The following ELF1 variants were observed in gnomAD, a reference collection of about 807,000 sequenced individuals.
The protein encoded by ELF1 is E74 like ETS transcription factor 1.
ELF1 carries 24 observed loss-of-function variants against 59.9 expected under a neutral mutation model. That is an observed-to-expected ratio of 0.40 (90% CI 0.29 to 0.56). The LOEUF (loss-of-function observed/expected upper bound fraction) is 0.56, where lower values mean the gene tolerates loss of function less well. ELF1 is among the 20% of genes least tolerant of loss of function. The pLI, the probability that ELF1 is intolerant of heterozygous loss-of-function variation, is 0.44. For missense variants in ELF1, 627 were observed against 742.2 expected, an observed-to-expected ratio of 0.84 and a Z score of 1.80; for synonymous variants, 248 against 266.2, an observed-to-expected ratio of 0.93 and a Z score of 0.67.
rs975047124 is a variant in ELF1 at position 41,000,669 on chromosome 13, G to A, written c.-228-18387C>T. ...TACTATAAAGACACATCCAGGAATTGTACAATATCACAATAAGGTTTATTT... is the reference window on the plus strand; with the variant it reads ...TACTATAAAGACACATCCAGGAATTATACAATATCACAATAAGGTTTATTT... On this transcript the variant is annotated intron_variant, in intron 1 of 8. Transcript: ENST00000239882. Among the ~76,000 whole-genome samples, 11 of 152,076 alleles carry A rather than the reference G, an allele frequency of 7.2e-5. No homozygotes were observed. In the East Asian group the frequency reaches 1.7e-3, roughly 24 times the overall value.
intron 1 of ELF1, among the ~76,000 whole-genome samples, chr13:41,006,535 G>A (rs536760405): frequency 3.9e-5 from 6 of 152,102 alleles, no homozygotes; most frequent in East Asian, 1.9e-4. Flanking sequence ...CACAGTTAAC[G>A]ATGTGTAACT....
At position 41,060,720 on chromosome 13, in the gene ELF1, A is replaced by AT. The variant is rs558419221; in HGVS notation, c.-229+117_-229+118insA. The AT allele has an allele frequency of 2.8e-3, 464 of 163,248 alleles. 2 individuals carry two copies. Among genetic ancestry groups the AT allele is most frequent in the Admixed American group, 6.2e-3 (96 of 15,476 alleles). 10.1% of individuals were successfully genotyped at this position (163,248 alleles called of 1,614,324 possible). ...CTCCAAACCGATAGTTGCAAAAAAA[A>AT]AGAAAAATAAGGAAGCGTTCCCATA... On this transcript the variant is annotated intron_variant, in intron 1 of 1. Coordinates refer to the ELF1 transcript ENST00000405737.
chr13:41,013,570 A>G (rs764515407), intron 1 of ELF1, among the ~76,000 whole-genome samples: 2 of 152,184 alleles, frequency 1.3e-5, no homozygotes, highest in Non-Finnish European at 2.9e-5. Flanking sequence ...GGAAACAAAC[A>G]TGAATAGGAG....
At chr13:40,987,009 C>T (rs1214322050) in intron 1 of ELF1, among the ~76,000 whole-genome samples, 1 of 142,876 alleles carries the variant, frequency 7.0e-6, no homozygotes, top group Non-Finnish European at 1.5e-5. Context: ...CATCTCGGCT[C>T]ATTGCAAGCT....
At chr13:41,051,143 AG>A (rs988820528) in intron 1 of ELF1, among the ~76,000 whole-genome samples, 2 of 152,178 alleles carry the variant, frequency 1.3e-5, no homozygotes, top group African/African-American at 4.8e-5. Flanking sequence ...GCAATGCAAA[AG>A]AAAAAAGTTT....
At chr13:40,939,402 T>C (rs1325391579) in intron 8 of ELF1, among the ~76,000 whole-genome samples, 1 of 152,232 alleles carries the variant, frequency 6.6e-6, no homozygotes, top group African/African-American at 2.4e-5. Flanking sequence ...TTTGGTTTTA[T>C]TCTCACAGTC....
At chr13:40,986,512 A>G (rs1873555106) in intron 1 of ELF1, among the ~76,000 whole-genome samples, 1 of 152,214 alleles carries the variant, frequency 6.6e-6, no homozygotes, top group African/African-American at 2.4e-5. Flanking sequence ...ACTCCCTGGA[A>G]GTCTCTATTA....
In ELF1 at chr13:40,933,875, G is replaced by A. The variant is rs1869584627; in HGVS notation, c.1410C>T (p.Ala470=). ...GTGSQKFILQ[A]IPSSQPMTVL... ...CTGTCATGGGCTGTGATGATGGAAT[G>A]GCTTGTAAAATAAACTTCTGAGATC... The change falls in exon 9 of 9, where the codon GCC becomes GCT. Residue 470 remains alanine (A), a synonymous_variant. Coordinates refer to ENST00000239882, the MANE Select transcript of ELF1 (RefSeq NM_172373.4). 1 of 1,614,220 alleles carries A rather than the reference G, an allele frequency of 6.2e-7. No homozygotes were observed. Among genetic ancestry groups the A allele is most frequent in the Non-Finnish European group, 8.5e-7 (1 of 1,180,050 alleles).
At chr13:40,947,745 A>C (rs887778432) in intron 5 of ELF1, among the ~76,000 whole-genome samples, 1 of 152,198 alleles carries the variant, frequency 6.6e-6, no homozygotes, top group African/African-American at 2.4e-5. Context: ...GTTGAAGCTG[A>C]ACTCACATTT....
At chr13:40,965,361 C>T (rs536260729) in intron 2 of ELF1, among the ~76,000 whole-genome samples, 29 of 152,320 alleles carry the variant, frequency 1.9e-4, no homozygotes, top group Non-Finnish European at 3.8e-4. Context: ...GTGGCTCACA[C>T]CTGTAACCCC....
At chr13:41,050,164 C>A (rs1270084671) in intron 1 of ELF1, among the ~76,000 whole-genome samples, 1 of 151,946 alleles carries the variant, frequency 6.6e-6, no homozygotes, top group African/African-American at 2.4e-5. Context: ...TAAGCAATAA[C>A]CCCCCTTTCT....
At chr13:40,983,654 G>A (rs991313917) in intron 1 of ELF1, among the ~76,000 whole-genome samples, 2 of 151,826 alleles carry the variant, frequency 1.3e-5, no homozygotes, top group African/African-American at 4.8e-5. Flanking sequence ...GCACATTCAG[G>A]TGGTTTTTGA....
chr13:41,024,875 T>G (rs558661472), intron 1 of ELF1, among the ~76,000 whole-genome samples: 1 of 152,176 alleles, frequency 6.6e-6, no homozygotes, highest in Non-Finnish European at 1.5e-5. Context: ...GTACTCATCA[T>G]ATCACAGGAA....
intron 1 of ELF1, among the ~76,000 whole-genome samples, chr13:40,995,075 A>T (rs1047185075): frequency 4.6e-5 from 7 of 152,168 alleles, no homozygotes; most frequent in African/African-American, 1.7e-4. Context: ...GTATTCTGTT[A>T]TAAGAAGTTT....
At chr13:41,020,476 CACAAGCTGTCACT>C (rs1009037986), upstream of ELF1, among the ~76,000 whole-genome samples, 5 of 152,178 alleles carry the variant, frequency 3.3e-5, no homozygotes, top group African/African-American at 1.2e-4. Flanking sequence ...TAGTTGAGAG[CACAAGCTGTCACT>C]GACTTAGGAA....
rs17061687 is a variant in ELF1, at chr13:40,970,826, A to C, written c.72+11157T>G. Among the ~76,000 whole-genome samples the C allele has an allele frequency of 5.7e-3, 864 of 152,306 alleles. 8 individuals are homozygous for C. The highest frequency in any genetic ancestry group is 0.013 in the South Asian group (65 of 4,826). ...TGGTCAATGTACTTTCAACTAAAAA[A>C]ACTCACTACAGCGCTGTGTAAAAAG... On this transcript the variant is annotated intron_variant, in intron 2 of 8. Coordinates refer to ENST00000239882, the MANE Select transcript of ELF1 (RefSeq NM_172373.4).
At chr13:40,971,799 C>A (rs1728585307) in intron 2 of ELF1, among the ~76,000 whole-genome samples, 1 of 152,122 alleles carries the variant, frequency 6.6e-6, no homozygotes, top group Admixed American at 6.5e-5. Context: ...ACAATTTGGC[C>A]ATACATCTCA....
intron 1 of ELF1, among the ~76,000 whole-genome samples, chr13:41,037,360 C>T (rs1020893126): frequency 1.3e-5 from 2 of 152,170 alleles, no homozygotes; most frequent in African/African-American, 4.8e-5. Context: ...GTGATACATA[C>T]ATTTGGTCAA....
intron 2 of ELF1, among the ~76,000 whole-genome samples, chr13:40,981,559 G>A (rs1873271996): frequency 6.6e-6 from 1 of 152,052 alleles, no homozygotes; most frequent in Non-Finnish European, 1.5e-5. Context: ...CACATGCTTT[G>A]GACTGAAATG....
Sources: gnomAD v4.1 joint callset for allele counts (sites outside exome capture counted in the v4.1 genomes callset) on GRCh38, gnomAD v4.1.1 for gene constraint, MANE v1.5 for transcripts, NCBI Gene and HGNC (gene_info 2026-07-23, HGNC 2026-07-21) for gene names.